The following SYNE2 variants were observed in gnomAD, a reference collection of about 807,000 sequenced individuals.
SYNE2 encodes the protein nesprin-2.
A neutral mutation model predicts 856.3 loss-of-function variants in SYNE2; 431 were observed. The observed-to-expected ratio is 0.50, with a 90% CI of 0.47 to 0.55. SYNE2 has a LOEUF of 0.55. SYNE2 is among the 20% of genes least tolerant of loss of function. The pLI is 0.00. For synonymous variants in SYNE2, 2,923 were observed against 2,872.3 expected, an observed-to-expected ratio of 1.02 and a Z score of -0.56; for missense variants, 8,129 against 8,023.2, an observed-to-expected ratio of 1.01 and a Z score of -0.50.
chr14:63,940,799 T>TAA (rs2153416289), intron 3 of SYNE2, 124 bp downstream of exon 3: 1 of 806,532 alleles, frequency 1.2e-6, no homozygotes, highest in East Asian at 2.7e-5. Context: ...GGTTGTGGAA[T>TAA]GTCTTTTCTT....
At chr14:64,162,568 G>A (rs2098337629) in intron 88 of SYNE2, 5 of 438,026 alleles carry the variant, frequency 1.1e-5, no homozygotes, top group Non-Finnish European at 1.7e-5. Flanking sequence ...GAAATCTGAA[G>A]TAAAAGCAAG....
At chr14:63,853,732 G>A (rs953393102) in intron 1 of SYNE2, among the ~76,000 whole-genome samples, 3 of 151,614 alleles carry the variant, frequency 2.0e-5, no homozygotes, top group Non-Finnish European at 4.4e-5. Context: ...GGGACGGGCG[G>A]CCCGGGCACT....
chr14:63,825,682 T>G (rs11158513), intron 1 of SYNE2, among the ~76,000 whole-genome samples: 70,974 of 151,794 alleles, frequency 0.47, 17,498 homozygotes, highest in South Asian at 0.58. Context: ...GAAACCAGCC[T>G]GGTCAACATG....
Position 64,146,124 on chromosome 14 carries a change from G to T in SYNE2, c.15540G>T (p.Gln5180His). 1.9e-6 allele frequency: 3 copies of T among 1,607,226 alleles called. No homozygotes were observed. Among genetic ancestry groups the T allele is most frequent in the Non-Finnish European group, 2.6e-6 (3 of 1,175,852 alleles). Residue 5180 changes from glutamine (Q) to histidine (H), a missense_variant, in exon 84 of 116, where the codon CAG (glutamine) becomes CAT (histidine). Physicochemically the swap from Gln to His is conservative, Grantham distance 24. This residue lies in a region of SYNE2 where 5,410 missense variants were observed against 5,284.8 expected (regional missense o/e 1.02). Coordinates refer to ENST00000555002, the MANE Select transcript of SYNE2 (RefSeq NM_182914.3). ...TCACTGAGAGTGAAAATAAAATACA[G>T]ATCTTGAACAACTGGCTGGAAGCAC... ...ESITESENKI[Q>H]ILNNWLEAQE... is the part of the protein sequence containing the mutation.
intron 11 of SYNE2, 140 bp from the exon 12 acceptor site, chr14:63,976,423 A>G: frequency 2.4e-6 from 2 of 848,426 alleles, no homozygotes; most frequent in Non-Finnish European, 3.7e-6. Context: ...CCCATTGATG[A>G]AGATTTCCAT....
In SYNE2 at chr14:64,161,610, G is replaced by C. The variant is rs76039831; in HGVS notation, c.16095-462G>C. ...CCAAAGAGACATTCATAGGCGGGGC[G>C]CACCATGGCTCACACCTATAATCCC... On this transcript the variant is annotated intron_variant, in intron 87 of 115. Coordinates refer to ENST00000555002, the MANE Select transcript of SYNE2 (RefSeq NM_182914.3). 2.4e-3 allele frequency among the ~76,000 whole-genome samples: 360 copies of C among 151,978 alleles called. 6 individuals carry two copies. Among genetic ancestry groups the C allele is most frequent in the South Asian group, 0.022 (104 of 4,806 alleles).
At chr14:63,777,248 A>C (rs1887145804) in intron 1 of SYNE2, among the ~76,000 whole-genome samples, 1 of 152,250 alleles carries the variant, frequency 6.6e-6, no homozygotes, top group African/African-American at 2.4e-5. Flanking sequence ...AAAACAGAGG[A>C]CAGTCTTGCA....
chr14:63,957,532 T>C (rs2096255941), intron 8 of SYNE2, among the ~76,000 whole-genome samples: 2 of 150,942 alleles, frequency 1.3e-5, no homozygotes, highest in Admixed American at 6.6e-5. Flanking sequence ...CCTCCCAAAA[T>C]GCTGGGATTA....
intron 78 of SYNE2, 53 bp from the exon 79 acceptor site, chr14:64,137,734 T>C: frequency 6.3e-7 from 1 of 1,589,550 alleles, no homozygotes; most frequent in Non-Finnish European, 8.6e-7. Flanking sequence ...TGTGAATAGC[T>C]TGGCAGACTT....
At chr14:63,989,369 G>A (rs1462855989) in intron 19 of SYNE2, among the ~76,000 whole-genome samples, 4 of 152,060 alleles carry the variant, frequency 2.6e-5, no homozygotes, top group African/African-American at 7.2e-5. Flanking sequence ...ACAGAGTCTC[G>A]TTCTGTTGCC....
chr14:64,003,510 C>T (rs552849955), intron 30 of SYNE2, among the ~76,000 whole-genome samples, 180 bp downstream of exon 30: 2 of 152,254 alleles, frequency 1.3e-5, no homozygotes, highest in African/African-American at 4.8e-5. Flanking sequence ...TGGTATTGTA[C>T]CTGTACAAAA....
rs2097236335 is a variant in SYNE2, at chr14:64,052,681, G to A, written c.8768G>A (p.Arg2923Lys). 3.1e-6 allele frequency: 5 copies of A among 1,613,784 alleles called. No individual in the cohort carries two copies. Among genetic ancestry groups the A allele is most frequent in the Non-Finnish European group, 4.2e-6 (5 of 1,179,852 alleles). ...LEDQLKNLKIRTNRIQRFIQN... is the reference protein window; with the variant it reads ...LEDQLKNLKIKTNRIQRFIQN... ...GATCAGTTGAAAAATCTTAAGATTA[G>A]GACCAACAGAATACAAAGATTCATT... The change falls in exon 48 of 116, where the codon AGG becomes AAG. Residue 2923 changes from arginine to lysine, a missense_variant. Coordinates refer to ENST00000555002, the MANE Select transcript of SYNE2 (RefSeq NM_182914.3).
intron 6 of SYNE2, among the ~76,000 whole-genome samples, chr14:63,948,785 T>C (rs1326083853): frequency 2.9e-5 from 1 of 34,530 alleles, no homozygotes; most frequent in South Asian, 8.9e-4. Flanking sequence ...TGTGTGTGTA[T>C]ATATATATAT....
intron 64 of SYNE2, among the ~76,000 whole-genome samples, chr14:64,103,552 C>G (rs952413363): frequency 6.6e-6 from 1 of 152,152 alleles, no homozygotes; most frequent in African/African-American, 2.4e-5. Context: ...CCATAAACCT[C>G]TCACTCCTGC....
chr14:63,869,004 C>A (rs990602891), intron 1 of SYNE2, among the ~76,000 whole-genome samples: 3 of 152,182 alleles, frequency 2.0e-5, no homozygotes, highest in Non-Finnish European at 4.4e-5. Context: ...AGAGAAAAAT[C>A]TTAAAGGACA....
intron 50 of SYNE2, 62 bp downstream of exon 50, chr14:64,062,957 G>A (rs2097329041): frequency 6.3e-7 from 1 of 1,595,252 alleles, no homozygotes; most frequent in Non-Finnish European, 8.6e-7. Flanking sequence ...CAAACTGGCA[G>A]AGGCAGCAGA....
At chr14:63,876,188 G>A (rs556114617) in intron 1 of SYNE2, among the ~76,000 whole-genome samples, 25 of 151,548 alleles carry the variant, frequency 1.6e-4, no homozygotes, top group African/African-American at 6.1e-4. Context: ...TGAGATGGGA[G>A]GATTGCTTGA....
chr14:64,093,072 C>G (rs1403031808), intron 60 of SYNE2, among the ~76,000 whole-genome samples: 4 of 151,906 alleles, frequency 2.6e-5, no homozygotes, highest in Admixed American at 2.0e-4. Flanking sequence ...AGAATAAACC[C>G]ACTGGACCAG....
chr14:63,818,024 C>CAAAAAAAAA (rs34186501), intron 1 of SYNE2, among the ~76,000 whole-genome samples: 4 of 64,768 alleles, frequency 6.2e-5, no homozygotes, highest in Non-Finnish European at 8.0e-5. Flanking sequence ...GACCCTTTCT[C>CAAAAAAAAA]AAAAAAAAAA....
Sources: allele counts gnomAD v4.1 joint callset (sites outside exome capture counted in the v4.1 genomes callset), GRCh38; gene constraint gnomAD v4.1.1; regional missense constraint gnomAD v4.1.1; transcripts MANE v1.5; gene names NCBI Gene and HGNC (gene_info 2026-07-23, HGNC 2026-07-21).